Variants in TRIP12 observed in about 807,000 individuals in gnomAD.
TRIP12 encodes thyroid hormone receptor interactor 12.
In TRIP12, 25 loss-of-function variants were observed where a neutral mutation model predicts 244.2. That is an observed-to-expected ratio of 0.10 (90% confidence interval 0.07 to 0.14). TRIP12 has a LOEUF of 0.14. Among genes scored for constraint, TRIP12 ranks in the 10% least tolerant of loss-of-function variants. The probability of loss-of-function intolerance (pLI) is 1.00; values close to 1 mark genes in which losing one functional copy is unlikely to be tolerated. For missense variants in TRIP12, 1,677 were observed against 2,486.4 expected (o/e 0.67, Z 6.92); for synonymous variants, 905 against 873.1 (o/e 1.04, Z -0.64).
At chr2:229,922,520 T>A, upstream of TRIP12, 1 of 1,613,846 alleles carries the variant, frequency 6.2e-7, no homozygotes. Flanking sequence ...CAAGATGGCG[T>A]CGTGGCTGCC....
At chr2:229,839,909 C>A (rs2055950620) in intron 5 of TRIP12, among the ~76,000 whole-genome samples, 1 of 152,132 alleles carries the variant, frequency 6.6e-6, no homozygotes, top group Non-Finnish European at 1.5e-5. Context: ...AAAGTGAGAT[C>A]TACAGCAACT....
intron 17 of TRIP12, among the ~76,000 whole-genome samples, chr2:229,806,921 G>GTC (rs1471753063): frequency 1.3e-5 from 2 of 152,182 alleles, no homozygotes; most frequent in Non-Finnish European, 2.9e-5. Flanking sequence ...TCTTACAGGT[G>GTC]TCTCATGTAT....
rs1009514050 is a variant in TRIP12, at chr2:229,859,438, C to T, written c.361G>A (p.Asp121Asn). 1 of 1,614,148 alleles carries T rather than the reference C, an allele frequency of 6.2e-7. No homozygotes were observed. The highest frequency in any genetic ancestry group is 1.3e-5 in the African/African-American group (1 of 75,018). Residue 121 changes from aspartate to asparagine, a missense_variant, in exon 4 of 42, where the codon GAC becomes AAC. Physicochemically the swap from Asp to Asn is conservative, Grantham distance 23. Transcript: ENST00000675903. ...SRGVKRSASP[D>N]YNRTNSPSSA... ...CTAGGAGAATTGGTCCTGTTGTAGT[C>T]TGGACTAGCACTGCGCTTCACTCCT... is the stretch of plus-strand genomic sequence containing the variant.
At chr2:229,776,248 T>C (rs541511302) in intron 37 of TRIP12, among the ~76,000 whole-genome samples, 2 of 152,346 alleles carry the variant, frequency 1.3e-5, no homozygotes, top group Non-Finnish European at 2.9e-5. Context: ...CAGAGCCTCC[T>C]GTTTTACTTG....
At chr2:229,906,771 TA>T in intron 1 of TRIP12, among the ~76,000 whole-genome samples, 1 of 151,640 alleles carries the variant, frequency 6.6e-6, no homozygotes, top group South Asian at 2.1e-4. Flanking sequence ...CTCTAGCGAT[TA>T]AAAAAAGACC....
In TRIP12 at chr2:229,785,749, A is replaced by C; in HGVS notation, c.5094+8T>G. On this transcript the variant is annotated splice_region_variant and intron_variant, in intron 34 of 41. Coordinates refer to ENST00000675903, the MANE Select transcript of TRIP12 (RefSeq NM_001348323.3). ...AGCTAAATAACCATCACCAGACTCC[A>C]AGCTCACCTCATTTTCATACTGGAT... 1 of 1,612,868 alleles carries C rather than the reference A, an allele frequency of 6.2e-7. No homozygotes were observed. The highest frequency in any genetic ancestry group is 8.5e-7 in the Non-Finnish European group (1 of 1,179,400).
chr2:229,782,589 T>A (rs1471572636), intron 34 of TRIP12, among the ~76,000 whole-genome samples: 1 of 152,228 alleles, frequency 6.6e-6, no homozygotes, highest in South Asian at 2.1e-4. Context: ...AACCCTAGCA[T>A]GCAGTATACT....
chr2:229,785,873 C>G lies in TRIP12; in HGVS notation c.4996-18G>C, dbSNP rs551204848. 3.9e-5 allele frequency: 62 copies of G among 1,601,572 alleles called. 2 individuals are homozygous for G. The Middle Eastern group carries it at 1.3e-3, about 34-fold the overall frequency. On this transcript the variant is annotated intron_variant, in intron 33 of 41. Coordinates refer to ENST00000675903, the MANE Select transcript of TRIP12 (RefSeq NM_001348323.3). Reference sequence around the variant, plus strand: ...ACAGTACGCTACAAAGAAAGTACAACTGTCAGGAAACTATGCTCTACCCAT... The same window carrying G: ...ACAGTACGCTACAAAGAAAGTACAAGTGTCAGGAAACTATGCTCTACCCAT...
intron 4 of TRIP12, among the ~76,000 whole-genome samples, chr2:229,857,637 C>CAA (rs57882382): frequency 2.0e-4 from 28 of 140,562 alleles, no homozygotes; most frequent in Middle Eastern, 7.0e-3. Context: ...GACTCTGTCT[C>CAA]AAAAAAAAAA....
chr2:229,872,702 T>G (rs1011208128), intron 2 of TRIP12, among the ~76,000 whole-genome samples: 1 of 152,232 alleles, frequency 6.6e-6, no homozygotes, highest in African/African-American at 2.4e-5. Flanking sequence ...AAATGTCCTC[T>G]TACTCTAAAA....
chr2:229,892,631 G>C (rs2067645448), intron 1 of TRIP12, among the ~76,000 whole-genome samples: 1 of 152,144 alleles, frequency 6.6e-6, no homozygotes, highest in African/African-American at 2.4e-5. Context: ...CACTTTGGGA[G>C]GCCAAAGTGG....
At chr2:229,802,229 A>T in intron 21 of TRIP12, 23 bp downstream of exon 21, 1 of 1,557,500 alleles carries the variant, frequency 6.4e-7, no homozygotes, top group Non-Finnish European at 8.7e-7. Flanking sequence ...AGAAATAAAA[A>T]TCACAACACA....
At chr2:229,879,318 G>C (rs1037143293) in intron 2 of TRIP12, among the ~76,000 whole-genome samples, 2 of 152,190 alleles carry the variant, frequency 1.3e-5, no homozygotes, top group African/African-American at 2.4e-5. Flanking sequence ...CAAAATTAGA[G>C]AACTAGGCCT....
chr2:229,785,958 T>C, intron 33 of TRIP12, 103 bp from the exon 34 acceptor site: 1 of 1,003,250 alleles, frequency 1.0e-6, no homozygotes, highest in Non-Finnish European at 1.4e-6. Context: ...ATCAACTCAA[T>C]TGTTAACACT....
intron 8 of TRIP12, among the ~76,000 whole-genome samples, chr2:229,821,135 T>C (rs923974343): frequency 3.9e-5 from 6 of 152,156 alleles, no homozygotes; most frequent in African/African-American, 1.2e-4. Flanking sequence ...GCATCTTAGA[T>C]AAAAACTGAA....
At chr2:229,775,263 T>C (rs79484576) in intron 37 of TRIP12, among the ~76,000 whole-genome samples, 1,982 of 152,244 alleles carry the variant, frequency 0.013, 81 homozygotes, top group East Asian at 0.086. Context: ...CACAGAATTA[T>C]GTCCATTTTT....
At chr2:229,887,227 A>G (rs1278860996) in intron 1 of TRIP12, among the ~76,000 whole-genome samples, 1 of 152,240 alleles carries the variant, frequency 6.6e-6, no homozygotes, top group Non-Finnish European at 1.5e-5. Context: ...AATATGCTAA[A>G]TTGATTTGAG....
intron 2 of TRIP12, among the ~76,000 whole-genome samples, chr2:229,879,130 T>A (rs1201567466): frequency 6.6e-6 from 1 of 151,952 alleles, no homozygotes; most frequent in African/African-American, 2.4e-5. Flanking sequence ...TGCACACCTG[T>A]AATCCCAGCT....
intron 24 of TRIP12, 49 bp downstream of exon 24, chr2:229,797,641 T>C: frequency 6.3e-7 from 1 of 1,596,060 alleles, no homozygotes; most frequent in South Asian, 1.1e-5. Context: ...TAGCAGGAGA[T>C]GCTGGGAAGA....
Sources: allele counts gnomAD v4.1 joint callset (sites outside exome capture counted in the v4.1 genomes callset), GRCh38; gene constraint gnomAD v4.1.1; transcripts MANE v1.5; gene names NCBI Gene and HGNC (gene_info 2026-07-23, HGNC 2026-07-21).